Variants in ANO1 observed in about 807,000 individuals in gnomAD.
The protein encoded by ANO1 is anoctamin-1.
Under a neutral mutation model 124.0 loss-of-function variants are expected in ANO1, and 59 were observed. The ratio of observed to expected loss-of-function variants is 0.48; its 90% CI spans 0.39 to 0.59. The LOEUF is 0.59. Ranked by LOEUF, ANO1 falls within the 20% of genes least tolerant of loss-of-function variation. ANO1 has a pLI of 0.00. For missense variants in ANO1, 1,059 were observed against 1,328.0 expected, an observed-to-expected ratio of 0.80 and a Z score of 3.15; for synonymous variants, 529 against 532.0, an observed-to-expected ratio of 0.99 and a Z score of 0.08.
chr11:69,972,066 T>TAAAC, the ANO1 span, among the ~76,000 whole-genome samples: 1 of 131,976 alleles, frequency 7.6e-6, no homozygotes, highest in Non-Finnish European at 1.6e-5. Flanking sequence ...ACTAAAAAAA[T>TAAAC]AAATAAATAA....
chr11:70,057,220 C>T (rs531202763), intron 1 of ANO1, among the ~76,000 whole-genome samples: 95 of 152,282 alleles, frequency 6.2e-4, no homozygotes, highest in African/African-American at 2.1e-3. Flanking sequence ...GTGGACAATG[C>T]GGAGGCTCCA....
chr11:70,103,954 T>C, intron 3 of ANO1, 45 bp from the exon 4 acceptor site: 2 of 1,589,296 alleles, frequency 1.3e-6, no homozygotes, highest in Non-Finnish European at 1.7e-6. Context: ...CGGATCATGG[T>C]CCAGCAGGGT....
chr11:70,070,498 C>T (rs59344726), intron 1 of ANO1, among the ~76,000 whole-genome samples: 2,366 of 152,214 alleles, frequency 0.016, 51 homozygotes, highest in African/African-American at 0.053. Context: ...GCCTGACCAA[C>T]ATGGTGAAAC....
intron 9 of ANO1, 32 bp downstream of exon 9, chr11:70,124,446 G>A (rs567713631): frequency 1.2e-6 from 2 of 1,606,236 alleles, no homozygotes; most frequent in African/African-American, 2.7e-5. Flanking sequence ...CGGGAATCAA[G>A]TCCCTACTCC....
intron 1 of ANO1, among the ~76,000 whole-genome samples, chr11:70,033,490 G>T (rs935753499): frequency 9.2e-5 from 14 of 152,132 alleles, no homozygotes; most frequent in Admixed American, 7.9e-4. Flanking sequence ...CTCTGATATC[G>T]TGTTGCACTA....
chr11:69,989,017 G>A (rs1856103371), intron 1 of ANO1, among the ~76,000 whole-genome samples: 1 of 151,422 alleles, frequency 6.6e-6, no homozygotes, highest in Admixed American at 6.6e-5. Context: ...CGGAGGGAGG[G>A]AGGGAAGGAA....
At chr11:70,019,559 C>A (rs1555002404) in intron 1 of ANO1, among the ~76,000 whole-genome samples, 1 of 61,518 alleles carries the variant, frequency 1.6e-5, no homozygotes, top group Admixed American at 2.2e-4. Flanking sequence ...CTCACCCGAG[C>A]CAATTGTATC....
At chr11:70,030,197 G>A (rs1856976662) in intron 1 of ANO1, among the ~76,000 whole-genome samples, 1 of 152,252 alleles carries the variant, frequency 6.6e-6, no homozygotes, top group Admixed American at 6.5e-5. Context: ...AGACGCCTTG[G>A]GGGCTGCAGC....
At chr11:70,108,204 T>G in intron 5 of ANO1, 149 bp from the exon 6 acceptor site, 3 of 676,638 alleles carry the variant, frequency 4.4e-6, no homozygotes, top group South Asian at 5.6e-5. Context: ...CCTCCCTGAA[T>G]AAATGCCATT....
intron 21 of ANO1, among the ~76,000 whole-genome samples, chr11:70,168,518 C>T (rs2048339032): frequency 6.6e-6 from 1 of 152,146 alleles, no homozygotes; most frequent in Admixed American, 6.5e-5. Flanking sequence ...CTCACCCTCT[C>T]TTGTTCCTCA....
At position 70,054,633 on chromosome 11, in the gene ANO1, G is replaced by A. The variant is rs146251235; in HGVS notation, c.59-23909G>A. Among the ~76,000 whole-genome samples, 29 of 152,358 alleles carry A rather than the reference G, an allele frequency of 1.9e-4. No homozygotes were observed. The East Asian group carries it at 5.6e-3, about 29-fold the overall frequency. ...TAACTATTTAGACATGTGGCATGTG[G>A]TCTCCACTCTTGTGAGGGGCAGGCC... On this transcript the variant is annotated intron_variant, in intron 1 of 27. Coordinates refer to the ANO1 transcript ENST00000531349.
chr11:70,177,364 A>G (rs566537102), intron 22 of ANO1, among the ~76,000 whole-genome samples: 9 of 152,282 alleles, frequency 5.9e-5, no homozygotes, highest in African/African-American at 2.2e-4. Context: ...CTGTTCCCAC[A>G]TTTCTTGAAA....
chr11:70,173,283 G>A (rs891887813), intron 22 of ANO1, among the ~76,000 whole-genome samples: 5 of 152,146 alleles, frequency 3.3e-5, no homozygotes, highest in African/African-American at 9.7e-5. Context: ...TTGTAGGGAG[G>A]GACATCCCAG....
chr11:69,982,207 A>G (rs1855965632), upstream of ANO1, among the ~76,000 whole-genome samples: 1 of 152,224 alleles, frequency 6.6e-6, no homozygotes, highest in Non-Finnish European at 1.5e-5. Flanking sequence ...TTGTTTAATT[A>G]CAATAAGACC....
intron 1 of ANO1, among the ~76,000 whole-genome samples, chr11:70,034,378 G>A (rs1555004129): frequency 6.6e-6 from 1 of 152,072 alleles, no homozygotes; most frequent in East Asian, 1.9e-4. Context: ...CAGCAGCCCT[G>A]GGCACCTTGA....
intron 1 of ANO1, among the ~76,000 whole-genome samples, chr11:70,049,550 G>A (rs1555006066): frequency 6.6e-6 from 1 of 151,858 alleles, no homozygotes; most frequent in Non-Finnish European, 1.5e-5. Context: ...TGTGTTCCAG[G>A]AGCTGTTATG....
intron 24 of ANO1, among the ~76,000 whole-genome samples, chr11:70,182,917 T>G (rs904072620): frequency 3.3e-5 from 5 of 152,112 alleles, no homozygotes; most frequent in African/African-American, 1.2e-4. Context: ...GAGACCAGCC[T>G]GAGCCACATA....
intron 12 of ANO1, among the ~76,000 whole-genome samples, chr11:70,150,326 A>G (rs1195051043): frequency 6.6e-6 from 1 of 152,214 alleles, no homozygotes; most frequent in Non-Finnish European, 1.5e-5. Flanking sequence ...CATACTCCAG[A>G]GAGAGGGACA....
intron 23 of ANO1, 120 bp from the exon 24 acceptor site, chr11:70,182,382 G>A (rs897529062): frequency 3.4e-5 from 28 of 820,104 alleles, no homozygotes; most frequent in African/African-American, 1.6e-4. Flanking sequence ...TATGGTCCCC[G>A]CCAGAGGCAG....
Sources: gnomAD v4.1 joint callset for allele counts (sites outside exome capture counted in the v4.1 genomes callset) on GRCh38, gnomAD v4.1.1 for gene constraint, MANE v1.5 for transcripts, NCBI Gene and HGNC (gene_info 2026-07-23, HGNC 2026-07-21) for gene names.